CDH12: variants seen among roughly 807,000 people sequenced by gnomAD.
CDH12 encodes cadherin 12.
CDH12 carries 41 observed loss-of-function variants against 74.1 expected under a neutral mutation model. The observed-to-expected ratio is 0.55, with a 90% CI of 0.43 to 0.72. The LOEUF (loss-of-function observed/expected upper bound fraction) is 0.72. Ranked by LOEUF, CDH12 falls within the 30% of genes least tolerant of loss-of-function variation. The probability of loss-of-function intolerance (pLI) is 0.00; values close to 1 mark genes in which losing one functional copy is unlikely to be tolerated. For missense variants in CDH12, 945 were observed against 977.2 expected (o/e 0.97, Z 0.44); for synonymous variants, 399 against 355.0 (o/e 1.12, Z -1.39).
intron 2 of CDH12, among the ~76,000 whole-genome samples, chr5:22,405,811 C>A (rs1742915983): frequency 6.6e-6 from 1 of 152,136 alleles, no homozygotes; most frequent in Admixed American, 6.6e-5. Context: ...GTTCCAGGAC[C>A]TCCTACAGAT....
intron 1 of CDH12, among the ~76,000 whole-genome samples, chr5:22,627,725 T>C (rs1260571940): frequency 6.6e-6 from 1 of 152,086 alleles, no homozygotes; most frequent in Non-Finnish European, 1.5e-5. Flanking sequence ...GGTCCAATTC[T>C]GCACATATCA....
intron 10 of CDH12, among the ~76,000 whole-genome samples, chr5:21,791,074 C>A (rs572894924): frequency 6.6e-6 from 1 of 151,956 alleles, no homozygotes; most frequent in Non-Finnish European, 1.5e-5. Context: ...TAGCTGACAC[C>A]CATTTGAACA....
chr5:22,131,657 T>C (rs1218511361), intron 4 of CDH12, among the ~76,000 whole-genome samples: 1 of 152,190 alleles, frequency 6.6e-6, no homozygotes, highest in Non-Finnish European at 1.5e-5. Flanking sequence ...CAAATCTCAG[T>C]TGCAAGAAAC....
At chr5:22,092,875 T>C (rs756471732) in intron 4 of CDH12, among the ~76,000 whole-genome samples, 4 of 152,210 alleles carry the variant, frequency 2.6e-5, no homozygotes, top group Non-Finnish European at 4.4e-5. Context: ...GATTATTTGA[T>C]GAACAAAATC....
intron 11 of CDH12, chr5:21,774,580 A>C (rs1745488825): frequency 6.6e-6 from 1 of 152,002 alleles, no homozygotes; most frequent in African/African-American, 2.4e-5. Context: ...CCTTTAAAGA[A>C]CCCTAATATA....
rs771682202 is a variant in CDH12, at chr5:22,214,229, A to T, written c.-332-1586T>A. Among the ~76,000 whole-genome samples, 31 of 152,304 alleles carry T rather than the reference A, an allele frequency of 2.0e-4. No individual in the cohort carries two copies. The East Asian group carries it at 2.5e-3, about 12-fold the overall frequency. ...ACTCTGAAAACGGAGACGGCCCTGC[A>T]GAAGCCCCAGGAGATGGGGCTGTAG... On this transcript the variant is annotated intron_variant, in intron 3 of 14. Coordinates refer to ENST00000382254, the MANE Select transcript of CDH12 (RefSeq NM_004061.5).
intron 1 of CDH12, among the ~76,000 whole-genome samples, chr5:22,783,790 A>C (rs1580996477): frequency 6.6e-6 from 1 of 152,172 alleles, no homozygotes; most frequent in Admixed American, 6.6e-5. Flanking sequence ...TGACTTCTTA[A>C]GTACCACAAT....
At chr5:22,069,493 T>C (rs146632246) in intron 5 of CDH12, among the ~76,000 whole-genome samples, 22 of 152,294 alleles carry the variant, frequency 1.4e-4, no homozygotes, top group African/African-American at 5.1e-4. Flanking sequence ...CCACTATTAC[T>C]CCTGGTGACA....
intron 1 of CDH12, among the ~76,000 whole-genome samples, chr5:22,685,442 C>T (rs987395673): frequency 3.9e-5 from 6 of 152,164 alleles, no homozygotes; most frequent in Admixed American, 2.0e-4. Context: ...TTCACTACGT[C>T]GGCCAGGATG....
intron 4 of CDH12, among the ~76,000 whole-genome samples, chr5:22,153,903 TACACACACATACACACACACACACAAAC>T (rs1747814951): frequency 1.8e-5 from 2 of 111,148 alleles, no homozygotes; most frequent in East Asian, 2.2e-4. Flanking sequence ...TATATATATA[TACACACACATACACACACACACACAAAC>T]ATATATATGT....
chr5:22,843,780 G>A (rs1399445421), intron 1 of CDH12, among the ~76,000 whole-genome samples: 1 of 151,932 alleles, frequency 6.6e-6, no homozygotes, highest in East Asian at 1.9e-4. Context: ...CTTCTAGAGA[G>A]ACTACAGAAT....
At chr5:22,099,532 C>G (rs1262174232) in intron 4 of CDH12, among the ~76,000 whole-genome samples, 1 of 152,136 alleles carries the variant, frequency 6.6e-6, no homozygotes, top group African/African-American at 2.4e-5. Flanking sequence ...CAGTCTCATT[C>G]CAGACACCAG....
At chr5:22,668,916 TTCTC>T (rs780189558) in intron 1 of CDH12, among the ~76,000 whole-genome samples, 7 of 150,452 alleles carry the variant, frequency 4.7e-5, no homozygotes, top group South Asian at 2.1e-4. Context: ...GGTCTCTCTC[TTCTC>T]TCTCTCTCTC....
At chr5:22,087,565 C>T (rs1190142337) in intron 4 of CDH12, among the ~76,000 whole-genome samples, 1 of 151,922 alleles carries the variant, frequency 6.6e-6, no homozygotes, top group African/African-American at 2.4e-5. Context: ...TGCCTGAACC[C>T]AGAAAGCAAA....
At chr5:21,768,629 G>T (rs1353852397) in intron 11 of CDH12, among the ~76,000 whole-genome samples, 1 of 151,884 alleles carries the variant, frequency 6.6e-6, no homozygotes, top group East Asian at 1.9e-4. Context: ...AGTTAAAACA[G>T]TTAAGAAATG....
chr5:22,038,630 A>C (rs918751477), intron 5 of CDH12, among the ~76,000 whole-genome samples: 1 of 152,138 alleles, frequency 6.6e-6, no homozygotes, highest in Non-Finnish European at 1.5e-5. Context: ...TACTTCTCTC[A>C]GCCACCATTC....
At chr5:22,732,656 AAGG>A (rs904051825) in intron 1 of CDH12, among the ~76,000 whole-genome samples, 2 of 151,846 alleles carry the variant, frequency 1.3e-5, no homozygotes, top group African/African-American at 4.8e-5. Flanking sequence ...AGATACACAC[AAGG>A]AGAATGCTGA....
intron 1 of CDH12, among the ~76,000 whole-genome samples, chr5:22,790,714 T>C (rs1349431878): frequency 6.6e-6 from 1 of 152,294 alleles, no homozygotes; most frequent in South Asian, 2.1e-4. Context: ...AAAGCAAATG[T>C]ACCCAAACAT....
chr5:22,730,820 T>G (rs1359123324), intron 1 of CDH12, among the ~76,000 whole-genome samples: 1 of 151,784 alleles, frequency 6.6e-6, no homozygotes, highest in Admixed American at 6.6e-5. Flanking sequence ...TTTATTCCTT[T>G]TATACATAAA....
Sources: gnomAD v4.1 joint callset for allele counts (sites outside exome capture counted in the v4.1 genomes callset) on GRCh38, gnomAD v4.1.1 for gene constraint, MANE v1.5 for transcripts, NCBI Gene and HGNC (gene_info 2026-07-23, HGNC 2026-07-21) for gene names.